IGF2BP3: variants seen among roughly 807,000 people sequenced by gnomAD.
IGF2BP3 encodes the protein insulin-like growth factor 2 mRNA-binding protein 3.
In IGF2BP3, 9 loss-of-function variants were observed where a neutral mutation model predicts 73.8. The observed-to-expected ratio is 0.12, with a 90% CI of 0.07 to 0.21. The LOEUF is 0.21. IGF2BP3 is among the 10% of genes least tolerant of loss of function. The probability of loss-of-function intolerance (pLI) is 1.00; values close to 1 mark genes in which losing one functional copy is unlikely to be tolerated. For missense variants in IGF2BP3, 542 were observed against 714.0 expected, an observed-to-expected ratio of 0.76 and a Z score of 2.75; for synonymous variants, 258 against 256.7, an observed-to-expected ratio of 1.01 and a Z score of -0.05.
intron 3 of IGF2BP3, among the ~76,000 whole-genome samples, chr7:23,400,793 G>C (rs548549932): frequency 7.2e-5 from 11 of 152,244 alleles, no homozygotes; most frequent in African/African-American, 2.6e-4. Flanking sequence ...AAGTATTTAA[G>C]ATGCTGTCAA....
intron 10 of IGF2BP3, among the ~76,000 whole-genome samples, chr7:23,338,998 ACTGTC>A (rs1176129635): frequency 2.0e-5 from 3 of 152,364 alleles, no homozygotes; most frequent in African/African-American, 7.2e-5. Context: ...GATTGTTAAG[ACTGTC>A]CATGTTGTTG....
intron 3 of IGF2BP3, among the ~76,000 whole-genome samples, chr7:23,403,567 G>A (rs936203257): frequency 7.9e-5 from 12 of 152,118 alleles, no homozygotes; most frequent in Admixed American, 5.9e-4. Flanking sequence ...TCAAAAATGC[G>A]TAAGTGAACT....
intron 2 of IGF2BP3, among the ~76,000 whole-genome samples, chr7:23,437,414 C>A (rs1039567007): frequency 5.3e-5 from 8 of 152,080 alleles, no homozygotes; most frequent in Non-Finnish European, 8.8e-5. Flanking sequence ...ACCCAGGAGG[C>A]GGAGGTTGCA....
chr7:23,400,052 T>C (rs891515158), intron 3 of IGF2BP3, among the ~76,000 whole-genome samples: 3 of 152,162 alleles, frequency 2.0e-5, no homozygotes, highest in Non-Finnish European at 4.4e-5. Flanking sequence ...TATAAAAAGT[T>C]TGCATCCTTA....
intron 3 of IGF2BP3, among the ~76,000 whole-genome samples, chr7:23,412,885 A>C (rs1787072353): frequency 4.1e-5 from 3 of 73,608 alleles, no homozygotes; most frequent in Admixed American, 4.6e-4. Flanking sequence ...TTTGAGACAG[A>C]GTCTTGCTTT....
chr7:23,340,076 G>C (rs1020525042), intron 10 of IGF2BP3, among the ~76,000 whole-genome samples: 1 of 152,086 alleles, frequency 6.6e-6, no homozygotes, highest in East Asian at 1.9e-4. Flanking sequence ...CAGAGCCAAG[G>C]AGTCTGACCT....
chr7:23,334,995 T>TA (rs1784536323), intron 10 of IGF2BP3, among the ~76,000 whole-genome samples: 1 of 150,888 alleles, frequency 6.6e-6, no homozygotes, highest in Non-Finnish European at 1.5e-5. Context: ...TTGTTGTTTT[T>TA]AAATGGATTT....
intron 3 of IGF2BP3, among the ~76,000 whole-genome samples, chr7:23,371,177 ACC>A (rs1562707307): frequency 6.6e-6 from 1 of 150,702 alleles, no homozygotes; most frequent in Non-Finnish European, 1.5e-5. Flanking sequence ...ACACACACAC[ACC>A]CTTCCAAGCA....
Position 23,361,494 on chromosome 7 carries a change from T to G in IGF2BP3, c.401+40A>C, listed in dbSNP as rs772458843. The G allele has an allele frequency of 1.8e-5, 28 of 1,521,002 alleles. No homozygotes were observed. The East Asian group carries it at 4.9e-4, about 27-fold the overall frequency. The allele number at this position is 1,521,002 out of a possible 1,614,324, so 94.2% of individuals were successfully genotyped here. ...CGCAAAATATGTTACTGTACTTAAC[T>G]TAGTTATTATATATAGATTAAAAGC... On this transcript the variant is annotated intron_variant, in intron 5 of 14. Transcript: ENST00000258729.
At chr7:23,439,938 C>G (rs1015009557) in intron 2 of IGF2BP3, among the ~76,000 whole-genome samples, 3 of 152,178 alleles carry the variant, frequency 2.0e-5, no homozygotes, top group Non-Finnish European at 4.4e-5. Flanking sequence ...TGGCCCTTTC[C>G]TCTCTGCCAA....
intron 10 of IGF2BP3, among the ~76,000 whole-genome samples, chr7:23,337,299 T>A (rs924882173): frequency 2.0e-5 from 3 of 152,212 alleles, no homozygotes; most frequent in Non-Finnish European, 4.4e-5. Context: ...AGGGACAATA[T>A]GATTTTCTGA....
intron 10 of IGF2BP3, among the ~76,000 whole-genome samples, chr7:23,336,789 A>T (rs1784584719): frequency 6.6e-6 from 1 of 152,174 alleles, no homozygotes; most frequent in Admixed American, 6.5e-5. Context: ...CTCTAATAAA[A>T]ATACAAAAAT....
chr7:23,320,382 G>A (rs1345356905), intron 10 of IGF2BP3, among the ~76,000 whole-genome samples: 1 of 151,942 alleles, frequency 6.6e-6, no homozygotes, highest in African/African-American at 2.4e-5. Flanking sequence ...AGGGATAAAG[G>A]ACACATTTGC....
rs1406096065 is a variant in IGF2BP3 at position 23,434,104 on chromosome 7, A to G, written c.237-15280T>C. Among the ~76,000 whole-genome samples, 3 of 151,794 alleles carry G rather than the reference A, an allele frequency of 2.0e-5. No homozygotes were observed. The East Asian group carries it at 5.8e-4, about 29-fold the overall frequency. On this transcript the variant is annotated intron_variant, in intron 2 of 14. Transcript: ENST00000258729. ...AAAAATTAAAATTAAAAAAAAAAAA[A>G]AAAAGAAAAAGTTTTATATGGAATA...
chr7:23,346,152 T>C, intron 7 of IGF2BP3, 90 bp from the exon 8 acceptor site: 1 of 1,410,812 alleles, frequency 7.1e-7, no homozygotes. Flanking sequence ...ATTTACTTCC[T>C]ACCTACCATC....
At chr7:23,380,226 C>T (rs919139237) in intron 3 of IGF2BP3, among the ~76,000 whole-genome samples, 8 of 140,548 alleles carry the variant, frequency 5.7e-5, no homozygotes, top group Non-Finnish European at 7.5e-5. Context: ...AGCAGTGGCA[C>T]GATCTCAGCT....
At chr7:23,348,300 G>A (rs1784880988) in intron 6 of IGF2BP3, among the ~76,000 whole-genome samples, 1 of 152,138 alleles carries the variant, frequency 6.6e-6, no homozygotes, top group African/African-American at 2.4e-5. Flanking sequence ...AGAAAAGCAA[G>A]TGGCCAATAA....
rs781129242 is a variant in IGF2BP3, at chr7:23,311,389, T to G, written c.*973A>C. 1.3e-5 allele frequency: 2 copies of G among 152,638 alleles called. No homozygotes were observed. The highest frequency in any genetic ancestry group is 2.9e-5 in the Non-Finnish European group (2 of 68,034). The allele number at this position is 152,638 out of a possible 1,614,324, so 9.5% of individuals were successfully genotyped here. A position where few individuals can be genotyped will look rare whatever the true frequency, so the allele number is the denominator to read the frequency against. On this transcript the variant is annotated 3_prime_UTR_variant, in exon 15 of 15. Transcript: ENST00000258729. ...AGTCAGAAGCACAAAGCATTTATTA[T>G]GCATTCAATCATGTAGCTAAACAAA... is the stretch of plus-strand genomic sequence containing the variant.
intron 2 of IGF2BP3, among the ~76,000 whole-genome samples, chr7:23,442,300 A>T (rs1413750856): frequency 1.3e-5 from 2 of 152,244 alleles, no homozygotes; most frequent in African/African-American, 4.8e-5. Context: ...CATCAACAAC[A>T]TTAAAATGTA....
Sources: allele counts gnomAD v4.1 joint callset (sites outside exome capture counted in the v4.1 genomes callset), GRCh38; gene constraint gnomAD v4.1.1; transcripts MANE v1.5; gene names NCBI Gene and HGNC (gene_info 2026-07-23, HGNC 2026-07-21).